The following HSPA12A variants were observed in gnomAD, a reference collection of about 807,000 sequenced individuals.
The protein encoded by HSPA12A is heat shock 70 kDa protein 12A.
Under a neutral mutation model 69.2 loss-of-function variants are expected in HSPA12A, and 28 were observed. That is an observed-to-expected ratio of 0.40 (90% CI 0.30 to 0.55). The LOEUF (loss-of-function observed/expected upper bound fraction) is 0.55. HSPA12A is among the 20% of genes least tolerant of loss of function. HSPA12A has a pLI of 0.38. For synonymous variants in HSPA12A, 345 were observed against 370.5 expected (o/e 0.93, Z 0.79); for missense variants, 686 against 900.7 (o/e 0.76, Z 3.05).
At position 116,838,867 on chromosome 10, in the gene HSPA12A, G is replaced by GT. The variant is rs1370451614; in HGVS notation, c.4-3846dup. 5.9e-5 allele frequency among the ~76,000 whole-genome samples: 9 copies of GT among 152,328 alleles called. No homozygotes were observed. The East Asian group carries it at 1.7e-3, about 29-fold the overall frequency. On this transcript the variant is annotated intron_variant, in intron 1 of 12. Coordinates refer to the HSPA12A transcript ENST00000635765. ...GGCTAATATGTGATTGTTCTGAGCA[G>GT]TAACTGCTAAATTCTTCATAATTCA... is the stretch of plus-strand genomic sequence containing the variant.
intron 1 of HSPA12A, among the ~76,000 whole-genome samples, chr10:116,733,356 C>T (rs1450429105): frequency 6.6e-6 from 1 of 152,120 alleles, no homozygotes; most frequent in East Asian, 1.9e-4. Flanking sequence ...GGCTGGAGCC[C>T]GAATACCTAC....
chr10:116,794,953 T>C (rs1453747403), intron 2 of HSPA12A, among the ~76,000 whole-genome samples: 1 of 152,124 alleles, frequency 6.6e-6, no homozygotes, highest in Non-Finnish European at 1.5e-5. Context: ...AAAGAAAATA[T>C]ACTATATCAA....
intron 3 of HSPA12A, among the ~76,000 whole-genome samples, chr10:116,701,540 C>A (rs1850076991): frequency 6.6e-6 from 1 of 152,200 alleles, no homozygotes; most frequent in Admixed American, 6.5e-5. Context: ...TAGGTATAGA[C>A]AAATGCATAA....
intron 2 of HSPA12A, among the ~76,000 whole-genome samples, chr10:116,705,546 C>T (rs976032666): frequency 2.6e-5 from 4 of 152,354 alleles, no homozygotes; most frequent in East Asian, 1.9e-4. Flanking sequence ...CTCTATAGAC[C>T]GTGCCCGCAC....
At chr10:116,801,168 T>A (rs1368670550) in intron 2 of HSPA12A, among the ~76,000 whole-genome samples, 1 of 152,188 alleles carries the variant, frequency 6.6e-6, no homozygotes, top group African/African-American at 2.4e-5. Context: ...GGGCCTTTCA[T>A]CCAGAACAAA....
rs1199490549 is a variant in HSPA12A, at chr10:116,786,860, G to A, written c.91+48075C>T. Among the ~76,000 whole-genome samples the A allele has an allele frequency of 2.0e-5, 3 of 152,054 alleles. No individual in the cohort carries two copies. In the East Asian group the frequency reaches 5.8e-4, roughly 29 times the overall value. On this transcript the variant is annotated intron_variant, in intron 2 of 12. Transcript: ENST00000635765. ...TTGCCATGTTGGCCAGACTGGTCTC[G>A]AACTCCTGACCTCAGGTGATCCACC...
intron 2 of HSPA12A, among the ~76,000 whole-genome samples, chr10:116,774,823 G>A (rs546998500): frequency 1.8e-4 from 27 of 152,258 alleles, no homozygotes; most frequent in Admixed American, 4.6e-4. Flanking sequence ...GCACAAGCCT[G>A]GAGCCCTCCA....
At chr10:116,682,464 G>GGGC (rs1554878780) in intron 7 of HSPA12A, among the ~76,000 whole-genome samples, 3 of 151,002 alleles carry the variant, frequency 2.0e-5, no homozygotes, top group African/African-American at 7.3e-5. Flanking sequence ...CTGGGGGGGG[G>GGGC]GGCCATTTCC....
At chr10:116,706,786 C>G (rs2240706) in intron 2 of HSPA12A, among the ~76,000 whole-genome samples, 54,674 of 151,988 alleles carry the variant, frequency 0.36, 10,948 homozygotes, top group African/African-American at 0.54. Flanking sequence ...AGGGTCTTTT[C>G]GATACTGCAG....
Position 116,687,048 on chromosome 10 carries a change from G to A in HSPA12A, c.664-3086C>T, listed in dbSNP as rs377300275. Reference sequence around the variant, plus strand: ...CTGGGTAAAATTCTACAACTCGAGGGCATCCGAGTGTGCCTGGTGTGCAAC... The same window carrying A: ...CTGGGTAAAATTCTACAACTCGAGGACATCCGAGTGTGCCTGGTGTGCAAC... On this transcript the variant is annotated intron_variant, in intron 6 of 11. Transcript: ENST00000369209. Among the ~76,000 whole-genome samples, 9 of 152,310 alleles carry A rather than the reference G, an allele frequency of 5.9e-5. No individual in the cohort carries two copies. The East Asian group carries it at 1.5e-3, about 26-fold the overall frequency.
chr10:116,804,826 C>T (rs1475120496), intron 2 of HSPA12A, among the ~76,000 whole-genome samples: 4 of 152,184 alleles, frequency 2.6e-5, no homozygotes, highest in African/African-American at 9.7e-5. Context: ...CTGTTTCCTT[C>T]TAAGAGGCCA....
intron 1 of HSPA12A, among the ~76,000 whole-genome samples, chr10:116,732,738 G>T (rs1554885989): frequency 6.6e-6 from 1 of 152,210 alleles, no homozygotes; most frequent in African/African-American, 2.4e-5. Flanking sequence ...CCTGCTGGAG[G>T]GACAAGTCAT....
At chr10:116,694,789 C>T (rs932810418) in intron 5 of HSPA12A, among the ~76,000 whole-genome samples, 25 of 152,266 alleles carry the variant, frequency 1.6e-4, no homozygotes, top group Admixed American at 1.6e-3. Context: ...AACCTTTGCT[C>T]TTCCAGCAGA....
chr10:116,785,635 C>T (rs908184508), intron 2 of HSPA12A, among the ~76,000 whole-genome samples: 1 of 152,094 alleles, frequency 6.6e-6, no homozygotes. Context: ...GGCTCTGCTG[C>T]CCACCGCATG....
chr10:116,689,123 G>A (rs1849662229), intron 6 of HSPA12A, among the ~76,000 whole-genome samples: 1 of 152,026 alleles, frequency 6.6e-6, no homozygotes, highest in Non-Finnish European at 1.5e-5. Context: ...GCCATAGCCT[G>A]CCCCAGCAGA....
At chr10:116,770,138 G>A (rs1395430656) in intron 2 of HSPA12A, among the ~76,000 whole-genome samples, 1 of 152,204 alleles carries the variant, frequency 6.6e-6, no homozygotes, top group African/African-American at 2.4e-5. Flanking sequence ...GAGGTCTTAT[G>A]TGAGCCCTTG....
At chr10:116,705,404 C>T in intron 2 of HSPA12A, 126 bp from the exon 3 acceptor site, 2 of 1,145,890 alleles carry the variant, frequency 1.7e-6, no homozygotes, top group Non-Finnish European at 2.6e-6. Context: ...TTCTATATTC[C>T]AGCTCAAGTC....
intron 1 of HSPA12A, among the ~76,000 whole-genome samples, chr10:116,847,161 C>T (rs1284544700): frequency 3.3e-5 from 5 of 152,288 alleles, no homozygotes; most frequent in Admixed American, 2.0e-4. Flanking sequence ...AACCAGATGA[C>T]GCACTGATCC....
At chr10:116,772,860 G>GATT (rs369040070) in intron 2 of HSPA12A, among the ~76,000 whole-genome samples, 23 of 151,296 alleles carry the variant, frequency 1.5e-4, no homozygotes, top group Admixed American at 5.3e-4. Context: ...ACATCTGGCT[G>GATT]ATTATTATTA....
Sources: allele counts gnomAD v4.1 joint callset (sites outside exome capture counted in the v4.1 genomes callset), GRCh38; gene constraint gnomAD v4.1.1; transcripts MANE v1.5; gene names NCBI Gene and HGNC (gene_info 2026-07-23, HGNC 2026-07-21).